SHOC1: variants seen among roughly 807,000 people sequenced by gnomAD.
SHOC1 encodes protein shortage in chiasmata 1 ortholog.
In SHOC1, 136 loss-of-function variants were observed where a neutral mutation model predicts 179.2. The ratio of observed to expected loss-of-function variants is 0.76; its 90% confidence interval spans 0.66 to 0.87. SHOC1 has a LOEUF of 0.87. Among genes scored for constraint, SHOC1 ranks in the 40% least tolerant of loss-of-function variants. The pLI is 0.00. For missense variants in SHOC1, 1,538 were observed against 1,700.8 expected (o/e 0.90, Z 1.68); for synonymous variants, 489 against 586.6 (o/e 0.83, Z 2.41).
chr9:111,705,168 T>C (rs4993590), intron 21 of SHOC1, 79 bp downstream of exon 21: 234,706 of 508,020 alleles, frequency 0.46, 61,442 homozygotes, highest in East Asian at 0.81. Flanking sequence ...TCAGAATATA[T>C]ATACACACAC....
In SHOC1 at chr9:111,775,806, G is replaced by A. The variant is rs748029011; in HGVS notation, c.427C>T (p.Gln143Ter). The A allele has an allele frequency of 6.2e-7, 1 of 1,605,830 alleles. No homozygotes were observed. Among genetic ancestry groups the A allele is most frequent in the Non-Finnish European group, 8.5e-7 (1 of 1,177,688 alleles). ...VSCLEKCSAL[Q>*]NQNQDLFIDD... ...AACGTTTTACCTTGGTTCTGGTTTT[G>A]AAGTGCTGAACATTTTTCTAAACAA... is the stretch of plus-strand genomic sequence containing the variant. Residue 143 changes from glutamine to a stop codon, truncating the protein, a stop_gained, in exon 5 of 28, where the codon CAA becomes TAA. Transcript: ENST00000682961. LOFTEE classifies it high-confidence loss of function.
chr9:111,782,910 T>C (rs1196073845), intron 3 of SHOC1, among the ~76,000 whole-genome samples: 1 of 152,140 alleles, frequency 6.6e-6, no homozygotes, highest in East Asian at 1.9e-4. Context: ...TCTACCAACT[T>C]ACTGGCATAA....
chr9:111,691,883 C>G lies in SHOC1; in HGVS notation c.4094G>C (p.Trp1365Ser). ...GTTGAACGGGTGATTCTCTTGTTCCCATATATTTTTCTTAAAGTTCCAATG... is the reference window on the plus strand; with the variant it reads ...GTTGAACGGGTGATTCTCTTGTTCCGATATATTTTTCTTAAAGTTCCAATG... ...PLHWNFKKNIWEQENHPFNLQ... is the reference protein window; with the variant it reads ...PLHWNFKKNISEQENHPFNLQ... Residue 1365 changes from tryptophan (W) to serine (S), a missense_variant, in exon 27 of 28, where the codon TGG (tryptophan) becomes TCG (serine). Transcript: ENST00000682961. The G allele has an allele frequency of 1.9e-6, 3 of 1,613,742 alleles. No individual in the cohort carries two copies. Among genetic ancestry groups the G allele is most frequent in the Non-Finnish European group, 2.5e-6 (3 of 1,179,922 alleles).
At chr9:111,745,846 C>T (rs1174593438) in intron 10 of SHOC1, among the ~76,000 whole-genome samples, 1 of 152,104 alleles carries the variant, frequency 6.6e-6, no homozygotes, top group Non-Finnish European at 1.5e-5. Context: ...GTGGCAATGT[C>T]CTAAGCATAC....
Position 111,686,586 on chromosome 9 carries a change from A to G in SHOC1, c.*184T>C, listed in dbSNP as rs1407007508. On this transcript the variant is annotated 3_prime_UTR_variant, in exon 28 of 28. Coordinates refer to ENST00000682961, the MANE Select transcript of SHOC1 (RefSeq NM_001378211.1). Reference sequence around the variant, plus strand: ...ATTCTGCTAATTGATAAATTAGAATATTTAACTTACAAAGATGCAAACCAT... The same window carrying G: ...ATTCTGCTAATTGATAAATTAGAATGTTTAACTTACAAAGATGCAAACCAT... The G allele has an allele frequency of 2.1e-6, 1 of 474,352 alleles. No individual in the cohort carries two copies. The highest frequency in any genetic ancestry group is 3.8e-6 in the Non-Finnish European group (1 of 263,458). The allele number at this position is 474,352 out of a possible 1,614,324, so 29.4% of individuals were successfully genotyped here.
intron 5 of SHOC1, among the ~76,000 whole-genome samples, chr9:111,767,530 G>T (rs1835403427): frequency 6.6e-6 from 1 of 152,070 alleles, no homozygotes; most frequent in African/African-American, 2.4e-5. Context: ...TCTCTATTCT[G>T]TTCCATTGGT....
At chr9:111,768,886 T>C (rs1297801523) in intron 5 of SHOC1, among the ~76,000 whole-genome samples, 1 of 152,218 alleles carries the variant, frequency 6.6e-6, no homozygotes, top group Non-Finnish European at 1.5e-5. Flanking sequence ...AGTATGAAGT[T>C]AACTATCATA....
Position 111,687,429 on chromosome 9 carries a change from T to A in SHOC1, c.4427-559A>T, listed in dbSNP as rs2131296018. Among the ~76,000 whole-genome samples, 4 of 152,370 alleles carry A rather than the reference T, an allele frequency of 2.6e-5. No homozygotes were observed. The Middle Eastern group carries it at 0.01, about 389-fold the overall frequency. On this transcript the variant is annotated intron_variant, in intron 27 of 27. Transcript: ENST00000682961. ...AATTAGTGATAAATGCATATATTTT[T>A]ATGCTCATGCCTTGTACAAATACTT...
chr9:111,781,583 C>T (rs1836045472), intron 3 of SHOC1, among the ~76,000 whole-genome samples: 1 of 151,812 alleles, frequency 6.6e-6, no homozygotes. Context: ...ATTAGCCGGG[C>T]ATGGTAGTGC....
At chr9:111,711,491 G>A (rs186172018) in intron 18 of SHOC1, among the ~76,000 whole-genome samples, 167 of 152,150 alleles carry the variant, frequency 1.1e-3, no homozygotes, top group African/African-American at 3.9e-3. Flanking sequence ...AACCCCTCTC[G>A]CTTTGCTGAG....
At chr9:111,746,004 C>T (rs910506018) in intron 10 of SHOC1, among the ~76,000 whole-genome samples, 9 of 152,204 alleles carry the variant, frequency 5.9e-5, no homozygotes, top group Non-Finnish European at 1.2e-4. Context: ...TTTCTGGATA[C>T]AAGCAATATT....
At chr9:111,757,766 TTTCC>T (rs1414236954) in intron 7 of SHOC1, among the ~76,000 whole-genome samples, 4 of 152,252 alleles carry the variant, frequency 2.6e-5, no homozygotes, top group East Asian at 1.9e-4. Flanking sequence ...GACTACTTAA[TTTCC>T]TATACCAGGT....
intron 5 of SHOC1, among the ~76,000 whole-genome samples, chr9:111,762,815 C>A (rs1266121297): frequency 1.3e-5 from 2 of 151,906 alleles, no homozygotes; most frequent in African/African-American, 2.4e-5. Flanking sequence ...AAGATAGCAA[C>A]CATCATGCTT....
Position 111,699,972 on chromosome 9 carries a change from A to G in SHOC1, c.3165T>C (p.Ser1055=). The G allele has an allele frequency of 3.1e-6, 5 of 1,606,820 alleles. No homozygotes were observed. The highest frequency in any genetic ancestry group is 4.3e-6 in the Non-Finnish European group (5 of 1,175,920). Residue 1055 remains serine (S), a synonymous_variant, in exon 24 of 28, where the codon TCT becomes TCC. Coordinates refer to ENST00000682961, the MANE Select transcript of SHOC1 (RefSeq NM_001378211.1). ...AGAATACCTTTACATCCAGTTCTTC[A>G]GAGTTTAGCCCAAATGAAACCAAAG... ...YAALVSFGLN[S]EELDVKLIIA...
At chr9:111,790,130 T>C (rs1836400268) in intron 2 of SHOC1, among the ~76,000 whole-genome samples, 1 of 152,228 alleles carries the variant, frequency 6.6e-6, no homozygotes, top group Non-Finnish European at 1.5e-5. Flanking sequence ...CTATTTAACT[T>C]ATCTGGAAAC....
chr9:111,793,539 C>T (rs906194011), intron 1 of SHOC1, among the ~76,000 whole-genome samples: 7 of 151,592 alleles, frequency 4.6e-5, no homozygotes, highest in Non-Finnish European at 4.4e-5. Flanking sequence ...GATATCGAAT[C>T]CATCTAATAG....
chr9:111,692,306 G>C lies in SHOC1; in HGVS notation c.3671C>G (p.Thr1224Ser). ...GGAAGAGTTGTCATTCAAAATGGTG[G>C]TTTTGTCTTCCTGCACTGTCTCTCC... is the stretch of plus-strand genomic sequence containing the variant. ...GLGETVQEDK[T>S]TILNDNSSIM... Residue 1224 changes from threonine to serine, a missense_variant, in exon 27 of 28, where the codon ACC (threonine) becomes AGC (serine). Physicochemically the swap from Thr to Ser is moderately conservative, Grantham distance 58. Coordinates refer to ENST00000682961, the MANE Select transcript of SHOC1 (RefSeq NM_001378211.1). 6.2e-7 allele frequency: 1 copy of C among 1,612,988 alleles called. No homozygotes were observed. The highest frequency in any genetic ancestry group is 1.1e-5 in the South Asian group (1 of 91,064).
rs773578526 is a variant in SHOC1 at position 111,686,836 on chromosome 9, T to G, written c.4461A>C (p.Lys1487Asn). Residue 1487 changes from lysine (K) to asparagine (N), a missense_variant, in exon 28 of 28, where the codon AAA becomes AAC. By Grantham distance (94) the Lys-to-Asn change is moderately conservative. Transcript: ENST00000682961. ...FMCSQLPQFKKRRLAYEKVPG... is the reference protein window; with the variant it reads ...FMCSQLPQFKNRRLAYEKVPG... Reference sequence around the variant, plus strand: ...GGACTTTTTCATATGCTAGACGTCGTTTTTTGAATTGTGGTAGTTGTGAGC... The same window carrying G: ...GGACTTTTTCATATGCTAGACGTCGGTTTTTGAATTGTGGTAGTTGTGAGC... The G allele has an allele frequency of 5.0e-6, 8 of 1,613,484 alleles. No homozygotes were observed. The highest frequency in any genetic ancestry group is 6.8e-6 in the Non-Finnish European group (8 of 1,179,530).
chr9:111,737,394 C>T lies in SHOC1; in HGVS notation c.1417+886G>A, dbSNP rs112444951. 6.6e-5 allele frequency among the ~76,000 whole-genome samples: 10 copies of T among 152,296 alleles called. 1 individual carries two copies. The highest frequency in any genetic ancestry group is 6.2e-4 in the South Asian group (3 of 4,824). On this transcript the variant is annotated intron_variant, in intron 12 of 27. Coordinates refer to ENST00000682961, the MANE Select transcript of SHOC1 (RefSeq NM_001378211.1). ...AAACTTTCCCAAATCTGGCTGGGCACGGTGGCTCATGCCTGTAATCCCAGC... is the reference window on the plus strand; with the variant it reads ...AAACTTTCCCAAATCTGGCTGGGCATGGTGGCTCATGCCTGTAATCCCAGC...
Sources: gnomAD v4.1 joint callset for allele counts (sites outside exome capture counted in the v4.1 genomes callset) on GRCh38, gnomAD v4.1.1 for gene constraint, MANE v1.5 for transcripts, NCBI Gene and HGNC (gene_info 2026-07-23, HGNC 2026-07-21) for gene names.